The following TAF1 variants were observed in gnomAD, a reference collection of about 807,000 sequenced individuals.
The protein encoded by TAF1 is TATA-box binding protein associated factor 1, also known as transcription initiation factor TFIID subunit 1.
TAF1 carries 2 observed loss-of-function variants against 138.5 expected under a neutral mutation model. The ratio of observed to expected loss-of-function variants is 0.01; its 90% CI spans 0.01 to 0.05. TAF1 has a LOEUF of 0.05. Among genes scored for constraint, TAF1 ranks in the 10% least tolerant of loss-of-function variants. The pLI is 1.00. For missense variants in TAF1, 709 were observed against 1,478.0 expected (o/e 0.48, Z 8.53); for synonymous variants, 437 against 503.2 (o/e 0.87, Z 1.76).
chrX:71,400,081 T>G (rs1364952066), intron 24 of TAF1, among the ~76,000 whole-genome samples: 1 of 106,547 alleles, frequency 9.4e-6, no homozygotes, highest in African/African-American at 3.4e-5. Flanking sequence ...GTTTGGTAGG[T>G]TTTTTTTTGT....
At chrX:71,486,650 G>A (rs1246679273) in intron 13 of TAF1, among the ~76,000 whole-genome samples, 2 of 109,826 alleles carry the variant, frequency 1.8e-5, no homozygotes, top group African/African-American at 6.6e-5. Context: ...AAGCTTGGCT[G>A]GAAATTTTTG....
chrX:71,413,679 C>T (rs1042212216), intron 28 of TAF1, among the ~76,000 whole-genome samples: 2 of 111,307 alleles, frequency 1.8e-5, no homozygotes, highest in East Asian at 5.6e-4. Context: ...AGTTGTCTGC[C>T]AGACATGTCC....
chrX:71,499,427 C>A (rs1464634323), intron 13 of TAF1, among the ~76,000 whole-genome samples: 2 of 112,394 alleles, frequency 1.8e-5, no homozygotes, highest in Non-Finnish European at 3.8e-5. Flanking sequence ...CTGATATCTG[C>A]AGCTGATTGG....
intron 28 of TAF1, among the ~76,000 whole-genome samples, chrX:71,417,688 A>G (rs1252567000): frequency 9.0e-6 from 1 of 111,492 alleles, no homozygotes; most frequent in Non-Finnish European, 1.9e-5. Context: ...CAGTTGTTGT[A>G]AAACAACTTA....
chrX:71,478,986 A>G (rs760032753), intron 13 of TAF1, among the ~76,000 whole-genome samples: 1 of 112,632 alleles, frequency 8.9e-6, no homozygotes, highest in East Asian at 2.8e-4. Flanking sequence ...AAATTCTTGC[A>G]CCACCGTACC....
chrX:71,418,727 T>C (rs994675886), intron 28 of TAF1, among the ~76,000 whole-genome samples: 6 of 110,599 alleles, frequency 5.4e-5, no homozygotes, highest in African/African-American at 2.0e-4. Context: ...AGTTCAAGGA[T>C]TTTCTGAAGC....
rs778380018 is a variant in TAF1 at position 71,388,635 on chromosome X, A to C, written c.2570-103A>C. 12 of 1,081,093 alleles carry C rather than the reference A, an allele frequency of 1.1e-5. No homozygotes were observed. The Admixed American group carries it at 2.3e-4, about 21-fold the overall frequency. 89.1% of individuals were successfully genotyped at this position (1,081,093 alleles called of 1,213,427 possible). On this transcript the variant is annotated intron_variant, in intron 16 of 37. Coordinates refer to ENST00000423759, the MANE Select transcript of TAF1 (RefSeq NM_004606.5). ...TTGGCCAGTCATGCCAACTGTGGCT[A>C]GGCCTGTTACAGTTTTGGTTTGCTG... is the stretch of plus-strand genomic sequence containing the variant.
chrX:71,395,632 T>C (rs910653225), intron 22 of TAF1, among the ~76,000 whole-genome samples: 8 of 112,012 alleles, frequency 7.1e-5, no homozygotes, highest in African/African-American at 2.3e-4. Context: ...TAAAGGCTGA[T>C]GATGAAGATT....
intron 1 of TAF1, among the ~76,000 whole-genome samples, chrX:71,367,002 C>A (rs1333613163): frequency 1.8e-5 from 2 of 112,130 alleles, no homozygotes; most frequent in African/African-American, 6.5e-5. Flanking sequence ...GCTCTCCCAG[C>A]GTCTTCACTG....
chrX:71,512,648 T>C (rs2039753904), intron 13 of TAF1, among the ~76,000 whole-genome samples: 1 of 111,244 alleles, frequency 9.0e-6, no homozygotes, highest in African/African-American at 3.3e-5. Context: ...TGAAACCCCG[T>C]CTGTACTAAA....
In TAF1 at chrX:71,392,553, T is replaced by G; in HGVS notation, c.2782-16T>G. ...AATGTTTCCCACTGCCCTGAGAATCTTTTTCTTTATCTCAGGTTCGCACTG... is the reference window on the plus strand; with the variant it reads ...AATGTTTCCCACTGCCCTGAGAATCGTTTTCTTTATCTCAGGTTCGCACTG... On this transcript the variant is annotated splice_polypyrimidine_tract_variant and intron_variant, in intron 18 of 37. Coordinates refer to ENST00000423759, the MANE Select transcript of TAF1 (RefSeq NM_004606.5). 1 of 1,143,701 alleles carries G rather than the reference T, an allele frequency of 8.7e-7. No individual in the cohort carries two copies. Among genetic ancestry groups the G allele is most frequent in the Non-Finnish European group, 1.2e-6 (1 of 864,879 alleles). The allele number at this position is 1,143,701 out of a possible 1,213,427, so 94.3% of individuals were successfully genotyped here.
rs765663122 is a variant in TAF1 at position 71,366,440 on chromosome X, T to C, written c.66T>C (p.Leu22=). The C allele has an allele frequency of 8.3e-7, 1 of 1,207,669 alleles. No homozygotes were observed. The highest frequency in any genetic ancestry group is 2.2e-5 in the Admixed American group (1 of 45,597). ...GGGPFSLAGF[L]FGNINGAGQL... ...GCCCATTTTCTTTAGCGGGTTTCCT[T>C]TTCGGCAACATCAATGGAGCCGGGC... Residue 22 remains leucine (L), a synonymous_variant, in exon 1 of 38, where the codon CTT becomes CTC. Coordinates refer to ENST00000423759, the MANE Select transcript of TAF1 (RefSeq NM_004606.5).
intron 29 of TAF1, 95 bp from the exon 30 acceptor site, chrX:71,423,022 G>C (rs1378939350): frequency 8.8e-7 from 1 of 1,131,330 alleles, no homozygotes; most frequent in Non-Finnish European, 1.2e-6. Flanking sequence ...GATTACAGGC[G>C]TGAGCCACCA....
chrX:71,482,255 C>A lies in TAF1; in HGVS notation c.1366+21452C>A, dbSNP rs2039084826. The stretch of plus-strand genomic sequence containing the variant: ...TCATGGCCAATACTGGACAATATGG[C>A]AACTTGCAGCTTTAAGGTTGTACAA... On this transcript the variant is annotated intron_variant and NMD_transcript_variant, in intron 13 of 14. Transcript: ENST00000373775. Among the ~76,000 whole-genome samples the A allele has an allele frequency of 2.7e-5, 3 of 112,455 alleles. No homozygotes were observed. The South Asian group carries it at 1.1e-3, about 41-fold the overall frequency.
At chrX:71,436,122 A>T (rs1223132718) in intron 32 of TAF1, among the ~76,000 whole-genome samples, 1 of 91,940 alleles carries the variant, frequency 1.1e-5, no homozygotes, top group African/African-American at 4.3e-5. Context: ...ATCATGGGTC[A>T]TTGCAGCCTC....
At chrX:71,508,155 A>T (rs2039665489) in intron 13 of TAF1, among the ~76,000 whole-genome samples, 1 of 104,876 alleles carries the variant, frequency 9.5e-6, no homozygotes, top group South Asian at 4.4e-4. Context: ...CTCACTATAT[A>T]GTTGGGAGAG....
At chrX:71,433,193 A>G (rs1298833555) in intron 32 of TAF1, among the ~76,000 whole-genome samples, 2 of 112,442 alleles carry the variant, frequency 1.8e-5, no homozygotes, top group Non-Finnish European at 3.8e-5. Flanking sequence ...TTCAGTAGAT[A>G]GCATTCTGGG....
chrX:71,373,327 C>T (rs1255959774), intron 3 of TAF1, among the ~76,000 whole-genome samples: 3 of 110,166 alleles, frequency 2.7e-5, no homozygotes, highest in African/African-American at 9.9e-5. Flanking sequence ...GCCACCTCTC[C>T]CAGCTAATTT....
chrX:71,470,620 G>A (rs1270591843), downstream of TAF1, among the ~76,000 whole-genome samples: 3 of 106,719 alleles, frequency 2.8e-5, no homozygotes, highest in Non-Finnish European at 5.8e-5. Flanking sequence ...CAAGTGATCC[G>A]CCCACCTCAG....
Sources: allele counts gnomAD v4.1 joint callset (sites outside exome capture counted in the v4.1 genomes callset), GRCh38; gene constraint gnomAD v4.1.1; transcripts MANE v1.5; gene names NCBI Gene and HGNC (gene_info 2026-07-23, HGNC 2026-07-21).